The following BANK1 variants were observed in gnomAD, a reference collection of about 807,000 sequenced individuals.
The protein encoded by BANK1 is B cell scaffold protein with ankyrin repeats 1.
In BANK1, 95 loss-of-function variants were observed where a neutral mutation model predicts 94.5. The observed-to-expected ratio is 1.00, with a 90% CI of 0.85 to 1.19. The LOEUF is 1.19. Ranked by LOEUF, BANK1 falls within the 50% of genes most tolerant of loss-of-function variation. BANK1 has a pLI of 0.00. For synonymous variants in BANK1, 334 were observed against 308.4 expected (o/e 1.08, Z -0.87); for missense variants, 987 against 932.2 (o/e 1.06, Z -0.77).
chr4:101,981,494 T>C (rs2148927576), intron 7 of BANK1, among the ~76,000 whole-genome samples: 1 of 152,252 alleles, frequency 6.6e-6, no homozygotes, highest in East Asian at 1.9e-4. Flanking sequence ...TATTTTAACA[T>C]TGAAATGCAT....
At chr4:102,071,063 G>A (rs1212633786) in intron 13 of BANK1, among the ~76,000 whole-genome samples, 1 of 152,156 alleles carries the variant, frequency 6.6e-6, no homozygotes, top group African/African-American at 2.4e-5. Flanking sequence ...ACAAAGGTTG[G>A]GAGAGGAAAG....
chr4:101,893,252 T>C (rs1721940213), intron 5 of BANK1, among the ~76,000 whole-genome samples: 1 of 152,056 alleles, frequency 6.6e-6, no homozygotes, highest in Admixed American at 6.6e-5. Flanking sequence ...AGTTTTCATA[T>C]TCCTAGTGGG....
intron 5 of BANK1, among the ~76,000 whole-genome samples, chr4:101,878,969 TTATATC>T (rs1292284202): frequency 2.7e-5 from 4 of 150,378 alleles, no homozygotes; most frequent in Non-Finnish European, 4.4e-5. Flanking sequence ...AGAGGGAAGT[TTATATC>T]TATAAGTGCC....
chr4:102,023,821 T>C (rs1416918778), intron 8 of BANK1, among the ~76,000 whole-genome samples: 1 of 152,208 alleles, frequency 6.6e-6, no homozygotes, highest in Non-Finnish European at 1.5e-5. Flanking sequence ...ATGACTGATT[T>C]GCCCATACAG....
At chr4:101,867,175 T>TTAAAAAAAAAAAAAAAAAAAAAAAA (rs1728105111) in intron 4 of BANK1, among the ~76,000 whole-genome samples, 1 of 34,222 alleles carries the variant, frequency 2.9e-5, no homozygotes, top group African/African-American at 2.9e-4. Context: ...TAAAAAAAAT[T>TTAAAAAAAAAAAAAAAAAAAAAAAA]TAAAAAAAAA....
At chr4:102,073,642 C>G in intron 15 of BANK1, 42 bp from the exon 16 acceptor site, 1 of 1,559,662 alleles carries the variant, frequency 6.4e-7, no homozygotes, top group South Asian at 1.2e-5. Context: ...AAAATAGGGA[C>G]AAATCGAGAA....
chr4:101,861,332 T>C (rs867980773), intron 3 of BANK1, among the ~76,000 whole-genome samples: 1 of 152,184 alleles, frequency 6.6e-6, no homozygotes, highest in South Asian at 2.1e-4. Flanking sequence ...TGGTGAGTAA[T>C]TTATACTTAG....
intron 6 of BANK1, among the ~76,000 whole-genome samples, chr4:101,912,958 C>T (rs964117344): frequency 3.3e-5 from 5 of 152,060 alleles, no homozygotes; most frequent in Non-Finnish European, 4.4e-5. Flanking sequence ...TTTCCTTGGC[C>T]GACATGTTGA....
At chr4:101,998,363 C>A (rs562760985) in intron 7 of BANK1, among the ~76,000 whole-genome samples, 79 of 152,112 alleles carry the variant, frequency 5.2e-4, no homozygotes, top group African/African-American at 1.8e-3. Flanking sequence ...AGAATAAGTG[C>A]GGTGTGGTGC....
At chr4:102,004,162 T>C (rs1726171290) in intron 7 of BANK1, among the ~76,000 whole-genome samples, 1 of 152,188 alleles carries the variant, frequency 6.6e-6, no homozygotes, top group African/African-American at 2.4e-5. Flanking sequence ...AACTTTATCA[T>C]ATTTTATATA....
At chr4:101,894,171 C>T (rs1439774205) in intron 5 of BANK1, among the ~76,000 whole-genome samples, 1 of 151,958 alleles carries the variant, frequency 6.6e-6, no homozygotes, top group Non-Finnish European at 1.5e-5. Context: ...CTTCATTGCC[C>T]ATATGTGATT....
At chr4:101,831,300 G>C (rs1051770242) in intron 2 of BANK1, among the ~76,000 whole-genome samples, 3 of 152,114 alleles carry the variant, frequency 2.0e-5, no homozygotes, top group Non-Finnish European at 4.4e-5. Flanking sequence ...TCCAAACCTG[G>C]ATCCAGCATA....
At chr4:101,887,933 A>T (rs1578379409) in intron 5 of BANK1, among the ~76,000 whole-genome samples, 1 of 152,232 alleles carries the variant, frequency 6.6e-6, no homozygotes, top group Non-Finnish European at 1.5e-5. Flanking sequence ...AAATCTTTGC[A>T]TAACCCTAGA....
At chr4:101,821,683 T>G (rs1726155261) in intron 1 of BANK1, among the ~76,000 whole-genome samples, 1 of 152,202 alleles carries the variant, frequency 6.6e-6, no homozygotes, top group Non-Finnish European at 1.5e-5. Flanking sequence ...CTTGATTTTT[T>G]GAATCGAGGA....
At chr4:101,872,428 T>C (rs1159573060) in intron 5 of BANK1, among the ~76,000 whole-genome samples, 2 of 152,066 alleles carry the variant, frequency 1.3e-5, no homozygotes, top group Non-Finnish European at 2.9e-5. Flanking sequence ...CTTGAGTCAG[T>C]CTCCCAAACA....
At chr4:101,891,408 A>C (rs1721865049) in intron 5 of BANK1, among the ~76,000 whole-genome samples, 1 of 151,922 alleles carries the variant, frequency 6.6e-6, no homozygotes, top group African/African-American at 2.4e-5. Context: ...CACTTTTTTC[A>C]AAATATTTTC....
intron 1 of BANK1, among the ~76,000 whole-genome samples, chr4:101,802,877 TC>T (rs1725402941): frequency 6.6e-6 from 1 of 152,188 alleles, no homozygotes; most frequent in Non-Finnish European, 1.5e-5. Context: ...GATAGTCAAT[TC>T]CTGAAATATG....
chr4:102,052,113 C>CTTTTTTTTTTTT (rs199811166), intron 11 of BANK1, among the ~76,000 whole-genome samples: 2 of 103,994 alleles, frequency 1.9e-5, no homozygotes, highest in East Asian at 2.6e-4. Flanking sequence ...TTCTTTTTTT[C>CTTTTTTTTTTTT]TTTTTTTTTT....
chr4:101,795,519 A>G (rs538483620), intron 1 of BANK1, among the ~76,000 whole-genome samples: 40 of 152,254 alleles, frequency 2.6e-4, no homozygotes, highest in Admixed American at 6.5e-4. Context: ...TACTGTCTGA[A>G]GAATCTCTAA....
Sources: allele counts gnomAD v4.1 joint callset (sites outside exome capture counted in the v4.1 genomes callset), GRCh38; gene constraint gnomAD v4.1.1; transcripts MANE v1.5; gene names NCBI Gene and HGNC (gene_info 2026-07-23, HGNC 2026-07-21).